Variants in PRKCE observed in about 807,000 individuals in gnomAD.
The protein encoded by PRKCE is protein kinase C epsilon type.
A neutral mutation model predicts 85.4 loss-of-function variants in PRKCE; 16 were observed. The ratio of observed to expected loss-of-function variants is 0.19; its 90% CI spans 0.13 to 0.28. PRKCE has a LOEUF of 0.28. Ranked by LOEUF, PRKCE falls within the 10% of genes least tolerant of loss-of-function variation. The pLI is 1.00. For missense variants in PRKCE, 573 were observed against 975.2 expected, an observed-to-expected ratio of 0.59 and a Z score of 5.49; for synonymous variants, 388 against 371.5, an observed-to-expected ratio of 1.04 and a Z score of -0.51.
chr2:45,828,502 T>C (rs1690140211), intron 1 of PRKCE, among the ~76,000 whole-genome samples: 2 of 152,242 alleles, frequency 1.3e-5, no homozygotes, highest in African/African-American at 4.8e-5. Flanking sequence ...CACTCAGAAT[T>C]GGTGATTATG....
At chr2:45,828,841 TA>T (rs1558721635) in intron 1 of PRKCE, among the ~76,000 whole-genome samples, 1 of 152,096 alleles carries the variant, frequency 6.6e-6, no homozygotes, top group South Asian at 2.1e-4. Flanking sequence ...TATAGATACT[TA>T]AAAAGAAAAA....
chr2:45,755,727 T>C (rs1683949527), intron 1 of PRKCE, among the ~76,000 whole-genome samples: 1 of 152,192 alleles, frequency 6.6e-6, no homozygotes, highest in Admixed American at 6.5e-5. Flanking sequence ...CTTGTATATA[T>C]TATTGTATGT....
At chr2:45,869,662 T>C (rs1693915144) in intron 2 of PRKCE, among the ~76,000 whole-genome samples, 1 of 151,426 alleles carries the variant, frequency 6.6e-6, no homozygotes, top group Admixed American at 6.6e-5. Context: ...GGCCCCAAGG[T>C]CTGTTACATT....
rs543792546 is a variant in PRKCE at position 45,717,176 on chromosome 2, C to G, written c.348+64728C>G. 1.4e-4 allele frequency among the ~76,000 whole-genome samples: 22 copies of G among 152,220 alleles called. No homozygotes were observed. The South Asian group carries it at 4.4e-3, about 30-fold the overall frequency. On this transcript the variant is annotated intron_variant, in intron 1 of 14. Coordinates refer to ENST00000306156, the MANE Select transcript of PRKCE (RefSeq NM_005400.3). Reference sequence around the variant, plus strand: ...GTTTGCCTCCCACAACAGGCTAGGCCCAGATGAGGATGATAGAATTACAGT... The same window carrying G: ...GTTTGCCTCCCACAACAGGCTAGGCGCAGATGAGGATGATAGAATTACAGT...
At chr2:45,791,503 T>G (rs1687028207) in intron 1 of PRKCE, among the ~76,000 whole-genome samples, 1 of 152,250 alleles carries the variant, frequency 6.6e-6, no homozygotes, top group Non-Finnish European at 1.5e-5. Flanking sequence ...TATAATTCCC[T>G]ATGTCCTTTC....
chr2:45,762,330 A>G (rs1348726047), intron 1 of PRKCE, among the ~76,000 whole-genome samples: 3 of 152,182 alleles, frequency 2.0e-5, no homozygotes, highest in Non-Finnish European at 4.4e-5. Context: ...ACTGGTGACC[A>G]ACTGAGTAAT....
In PRKCE at chr2:45,984,619, C is replaced by G. The variant is rs749649262; in HGVS notation, c.762C>G (p.Thr254=). ...KFGIHNYKVP[T]FCDHCGSLLW... Reference sequence around the variant, plus strand: ...GTATCCACAACTACAAGGTCCCTACCTTCTGCGATCACTGTGGGTCCCTGC... The same window carrying G: ...GTATCCACAACTACAAGGTCCCTACGTTCTGCGATCACTGTGGGTCCCTGC... The change falls in exon 6 of 15, where the codon ACC becomes ACG. Residue 254 remains threonine (T), a synonymous_variant. Transcript: ENST00000306156. The G allele has an allele frequency of 1.9e-5, 31 of 1,599,776 alleles. No individual in the cohort carries two copies. Among genetic ancestry groups the G allele is most frequent in the Non-Finnish European group, 2.5e-5 (30 of 1,179,950 alleles).
At chr2:45,661,430 G>A (rs904685184) in intron 1 of PRKCE, among the ~76,000 whole-genome samples, 10 of 151,510 alleles carry the variant, frequency 6.6e-5, no homozygotes, top group African/African-American at 2.4e-4. Flanking sequence ...TGATCCACCC[G>A]CCTCAGCCTC....
chr2:45,751,030 C>T (rs1002760172), intron 1 of PRKCE, among the ~76,000 whole-genome samples: 4 of 152,176 alleles, frequency 2.6e-5, no homozygotes, highest in Admixed American at 1.3e-4. Flanking sequence ...TCTTCCCATC[C>T]TATTCCCCAG....
rs1210895248 is a variant in PRKCE, at chr2:45,697,195, C to G, written c.348+44747C>G. The stretch of plus-strand genomic sequence containing the variant: ...GCTGACAGTGACTGCATCGTCCTTT[C>G]AAAGAGTCCATGCTCTACCTGGGAG... On this transcript the variant is annotated intron_variant, in intron 1 of 14. Transcript: ENST00000306156. The surrounding 1 kb of genome is among the most constrained non-coding windows in gnomAD (Gnocchi z 4.2). Among the ~76,000 whole-genome samples the G allele has an allele frequency of 6.6e-6, 1 of 152,134 alleles. No individual in the cohort carries two copies. Among genetic ancestry groups the G allele is most frequent in the Non-Finnish European group, 1.5e-5 (1 of 68,030 alleles).
chr2:45,791,727 A>G (rs1293386074), intron 1 of PRKCE, among the ~76,000 whole-genome samples: 1 of 152,188 alleles, frequency 6.6e-6, no homozygotes, highest in African/African-American at 2.4e-5. Flanking sequence ...TGCTGGGTTA[A>G]TGCGCTCCTC....
intron 2 of PRKCE, among the ~76,000 whole-genome samples, chr2:45,975,765 G>A (rs1702408479): frequency 6.6e-6 from 1 of 152,154 alleles, no homozygotes; most frequent in South Asian, 2.1e-4. Context: ...GACTCCAGTG[G>A]GATCTTTACA....
At chr2:45,662,029 C>T (rs1173523037) in intron 1 of PRKCE, among the ~76,000 whole-genome samples, 2 of 152,184 alleles carry the variant, frequency 1.3e-5, no homozygotes, top group Admixed American at 6.5e-5. Flanking sequence ...CCTCTACCCC[C>T]CTTTAGCTCT....
chr2:45,807,790 A>G (rs1291049912), intron 1 of PRKCE, among the ~76,000 whole-genome samples: 1 of 151,970 alleles, frequency 6.6e-6, no homozygotes, highest in African/African-American at 2.4e-5. Context: ...GGAGCCCAGC[A>G]ATCTCTGCTT....
chr2:46,126,156 G>A (rs1336125223), intron 11 of PRKCE, among the ~76,000 whole-genome samples: 1 of 152,188 alleles, frequency 6.6e-6, no homozygotes, highest in Non-Finnish European at 1.5e-5. Context: ...CAAAGTGCCT[G>A]TTGTCTTAGA....
chr2:46,040,061 G>T (rs1006238790), intron 10 of PRKCE, among the ~76,000 whole-genome samples: 4 of 152,178 alleles, frequency 2.6e-5, no homozygotes, highest in Non-Finnish European at 5.9e-5. Flanking sequence ...TTCACAACCT[G>T]GTCAACACAC....
At chr2:46,109,354 T>A (rs1672040342) in intron 11 of PRKCE, among the ~76,000 whole-genome samples, 1 of 152,184 alleles carries the variant, frequency 6.6e-6, no homozygotes, top group Admixed American at 6.5e-5. Flanking sequence ...TTTATTTAGA[T>A]CTTCCTTGAT....
At chr2:45,729,801 C>T (rs1464507141) in intron 1 of PRKCE, among the ~76,000 whole-genome samples, 1 of 152,148 alleles carries the variant, frequency 6.6e-6, no homozygotes, top group Non-Finnish European at 1.5e-5. Flanking sequence ...TCTGGCCATC[C>T]TTGACCGGAG....
At chr2:45,706,720 G>A (rs984338910) in intron 1 of PRKCE, among the ~76,000 whole-genome samples, 8 of 152,202 alleles carry the variant, frequency 5.3e-5, no homozygotes, top group African/African-American at 1.7e-4. Flanking sequence ...AATTTCAGGA[G>A]CAGGAAAATG....
Sources: allele counts gnomAD v4.1 joint callset (sites outside exome capture counted in the v4.1 genomes callset), GRCh38; gene constraint gnomAD v4.1.1; non-coding constraint Gnocchi (gnomAD v3.1); transcripts MANE v1.5; gene names NCBI Gene and HGNC (gene_info 2026-07-23, HGNC 2026-07-21).